The following ANO3 variants were observed in gnomAD, a reference collection of about 807,000 sequenced individuals.
ANO3 encodes the protein anoctamin 3, also known as anoctamin-3.
ANO3 carries 99 observed loss-of-function variants against 144.8 expected under a neutral mutation model. That is an observed-to-expected ratio of 0.68 (90% CI 0.58 to 0.81). ANO3 has a LOEUF of 0.81. Ranked by LOEUF, ANO3 falls within the 30% of genes least tolerant of loss-of-function variation. The pLI, the probability that ANO3 is intolerant of heterozygous loss-of-function variation, is 0.00. For missense variants in ANO3, 905 were observed against 1,202.2 expected (o/e 0.75, Z 3.66); for synonymous variants, 414 against 392.6 (o/e 1.05, Z -0.64).
At chr11:26,225,354 C>A (rs1490828770) in intron 1 of ANO3, among the ~76,000 whole-genome samples, 2 of 152,008 alleles carry the variant, frequency 1.3e-5, no homozygotes, top group Admixed American at 1.3e-4. Flanking sequence ...TAGAGTGAGA[C>A]AAGTAAATTA....
intron 1 of ANO3, among the ~76,000 whole-genome samples, chr11:26,289,895 A>C (rs1031182823): frequency 6.6e-6 from 1 of 151,464 alleles, no homozygotes; most frequent in Non-Finnish European, 1.5e-5. Context: ...TTTTTGTTGT[A>C]TCTCTGCCAG....
At chr11:26,460,242 TA>T (rs1191192758) in intron 3 of ANO3, 5 of 304,712 alleles carry the variant, frequency 1.6e-5, no homozygotes, top group Non-Finnish European at 3.2e-5. Context: ...TTTATTCTGT[TA>T]ATAAGCATTT....
At chr11:26,584,656 G>C (rs1851227939) in intron 14 of ANO3, among the ~76,000 whole-genome samples, 1 of 152,152 alleles carries the variant, frequency 6.6e-6, no homozygotes, top group Non-Finnish European at 1.5e-5. Flanking sequence ...TCATGTATAA[G>C]AACAAGTGTA....
intron 1 of ANO3, among the ~76,000 whole-genome samples, chr11:26,244,644 A>C (rs556097810): frequency 5.0e-4 from 76 of 152,328 alleles, no homozygotes; most frequent in Non-Finnish European, 1.0e-3. Flanking sequence ...ACACCTGTAT[A>C]CATGACCAAA....
intron 1 of ANO3, among the ~76,000 whole-genome samples, chr11:26,321,776 A>G (rs1356600140): frequency 1.3e-5 from 2 of 152,014 alleles, no homozygotes; most frequent in Non-Finnish European, 2.9e-5. Context: ...TTTCACTTGC[A>G]GTCCTATAAA....
At chr11:26,201,287 G>A (rs1462747587) in intron 1 of ANO3, among the ~76,000 whole-genome samples, 5 of 152,076 alleles carry the variant, frequency 3.3e-5, no homozygotes, top group African/African-American at 9.7e-5. Context: ...TATGGGTTTC[G>A]TTCAAATGGT....
At chr11:26,527,848 C>T (rs923583597) in intron 7 of ANO3, among the ~76,000 whole-genome samples, 1 of 145,908 alleles carries the variant, frequency 6.9e-6, no homozygotes, top group Non-Finnish European at 1.5e-5. Context: ...CAGAGAGTAG[C>T]CAGTTTTGCA....
chr11:26,221,075 C>A (rs1045455127), intron 1 of ANO3, among the ~76,000 whole-genome samples: 1 of 152,204 alleles, frequency 6.6e-6, no homozygotes, highest in Admixed American at 6.5e-5. Flanking sequence ...CAATAATCCT[C>A]TACACAGAGG....
intron 1 of ANO3, among the ~76,000 whole-genome samples, chr11:26,368,996 C>T (rs1231818505): frequency 6.6e-6 from 1 of 151,968 alleles, no homozygotes; most frequent in Admixed American, 6.6e-5. Context: ...GATCTACAGT[C>T]ATGTCATAGG....
rs1044935605 is a variant in ANO3 at position 26,408,147 on chromosome 11, T to C, written c.47-33771T>C. ...ATGGGATCTAATTAAACTAAAGAGCTTCTGCACAGCAAAAGAAACTACCAT... is the reference window on the plus strand; with the variant it reads ...ATGGGATCTAATTAAACTAAAGAGCCTCTGCACAGCAAAAGAAACTACCAT... On this transcript the variant is annotated intron_variant, in intron 1 of 26. Transcript: ENST00000256737. Among the ~76,000 whole-genome samples, 16 of 151,894 alleles carry C rather than the reference T, an allele frequency of 1.1e-4. 1 individual carries two copies. Among genetic ancestry groups the C allele is most frequent in the African/African-American group, 3.9e-4 (16 of 41,452 alleles).
chr11:26,405,887 A>T (rs1857264829), intron 1 of ANO3, among the ~76,000 whole-genome samples: 1 of 151,768 alleles, frequency 6.6e-6, no homozygotes. Context: ...CTCACTCTGA[A>T]ATTTCATAAG....
intron 1 of ANO3, among the ~76,000 whole-genome samples, chr11:26,371,723 T>A (rs1285014424): frequency 6.6e-6 from 1 of 152,344 alleles, no homozygotes; most frequent in East Asian, 1.9e-4. Context: ...TTTGGAACTT[T>A]AAGATTTAAT....
At chr11:26,201,079 A>AG (rs1055800773) in intron 1 of ANO3, among the ~76,000 whole-genome samples, 1 of 152,154 alleles carries the variant, frequency 6.6e-6, no homozygotes, top group Non-Finnish European at 1.5e-5. Flanking sequence ...CAGAAATTTT[A>AG]CCAAAGCTGG....
At chr11:26,457,867 C>G (rs1298444519) in intron 3 of ANO3, among the ~76,000 whole-genome samples, 3 of 152,068 alleles carry the variant, frequency 2.0e-5, no homozygotes, top group Non-Finnish European at 4.4e-5. Context: ...GTAACTGTTA[C>G]CACCTGTTCC....
chr11:26,340,074 A>G (rs1198592396), intron 1 of ANO3, among the ~76,000 whole-genome samples: 2 of 152,152 alleles, frequency 1.3e-5, no homozygotes, highest in Non-Finnish European at 2.9e-5. Context: ...TACTGGAAGT[A>G]TTTTGCAAAT....
intron 14 of ANO3, chr11:26,572,327 G>T: frequency 1.3e-6 from 1 of 798,074 alleles, no homozygotes; most frequent in Non-Finnish European, 1.5e-6. Context: ...AGTTTTCATA[G>T]GTTGATCGTT....
At chr11:26,564,286 C>A (rs903292411) in intron 14 of ANO3, among the ~76,000 whole-genome samples, 72 of 151,380 alleles carry the variant, frequency 4.8e-4, no homozygotes, top group African/African-American at 1.5e-3. Context: ...TTATAAAAAG[C>A]CTATATTTCA....
intron 1 of ANO3, among the ~76,000 whole-genome samples, chr11:26,316,421 G>A (rs1275685023): frequency 6.6e-6 from 1 of 152,150 alleles, no homozygotes; most frequent in Non-Finnish European, 1.5e-5. Context: ...AGTATACAGA[G>A]ATAAGAATTT....
intron 1 of ANO3, among the ~76,000 whole-genome samples, chr11:26,212,995 G>A (rs1292358952): frequency 3.3e-5 from 5 of 151,924 alleles, no homozygotes; most frequent in East Asian, 1.9e-4. Flanking sequence ...ATCAATAAAC[G>A]TAATCCATCA....
Sources: gnomAD v4.1 joint callset for allele counts (sites outside exome capture counted in the v4.1 genomes callset) on GRCh38, gnomAD v4.1.1 for gene constraint, MANE v1.5 for transcripts, NCBI Gene and HGNC (gene_info 2026-07-23, HGNC 2026-07-21) for gene names.